The following FAM111A variants were observed in gnomAD, a reference collection of about 807,000 sequenced individuals.
The protein encoded by FAM111A is serine protease FAM111A.
Under a neutral mutation model 3.3 loss-of-function variants are expected in FAM111A, and 8 were observed. The observed-to-expected ratio is 2.39, with a 90% CI of 1.40 to 4.32. The LOEUF is 4.32. Among genes scored for constraint, FAM111A ranks in the 30% most tolerant of loss-of-function variants. The pLI is 0.00. For missense variants in FAM111A, 683 were observed against 727.6 expected, an observed-to-expected ratio of 0.94 and a Z score of 0.71; for synonymous variants, 227 against 243.1, an observed-to-expected ratio of 0.93 and a Z score of 0.62.
intron 5 of FAM111A, 42 bp from the exon 6 acceptor site, chr11:59,151,708 G>C: frequency 2.8e-6 from 4 of 1,410,120 alleles, no homozygotes; most frequent in Admixed American, 2.3e-5. Flanking sequence ...AAAAGACTCG[G>C]GTTGCATTCA....
chr11:59,150,906 GAT>G (rs1226299338), intron 5 of FAM111A, among the ~76,000 whole-genome samples: 1 of 152,206 alleles, frequency 6.6e-6, no homozygotes, highest in Non-Finnish European at 1.5e-5. Context: ...TTCTTTTCAT[GAT>G]ATATGCTGGG....
rs1190840096 is a variant in FAM111A at position 59,143,101 on chromosome 11, A to G, written c.-509A>G. The G allele has an allele frequency of 6.6e-6, 1 of 152,292 alleles. No homozygotes were observed. The highest frequency in any genetic ancestry group is 2.4e-5 in the African/African-American group (1 of 41,448). 9.4% of individuals were successfully genotyped at this position (152,292 alleles called of 1,614,324 possible). On this transcript the variant is annotated 5_prime_UTR_variant, in exon 2 of 6. Transcript: ENST00000675163. ...CCAACAGGTGTCCCCAGCGCAGCCA[A>G]TCGGCTTCCGAAGTAGGTGAGTTGC...
chr11:59,144,870 C>T (rs78402125), intron 3 of FAM111A: 7,155 of 152,428 alleles, frequency 0.047, 452 homozygotes, highest in East Asian at 0.15. Flanking sequence ...GCGCTGGATT[C>T]CAGGCCGAGT....
At chr11:59,148,010 A>G (rs1030861272) in intron 4 of FAM111A, among the ~76,000 whole-genome samples, 1 of 152,236 alleles carries the variant, frequency 6.6e-6, no homozygotes, top group African/African-American at 2.4e-5. Flanking sequence ...TTAGAAATGT[A>G]TCTTTTTCAA....
intron 4 of FAM111A, among the ~76,000 whole-genome samples, chr11:59,147,111 A>C (rs1377944869): frequency 2.0e-5 from 3 of 152,206 alleles, no homozygotes; most frequent in African/African-American, 7.2e-5. Context: ...TGGTGGGAGG[A>C]AAAGCAGGTT....
chr11:59,150,519 ATG>A (rs1861515717), intron 5 of FAM111A, among the ~76,000 whole-genome samples: 1 of 152,158 alleles, frequency 6.6e-6, no homozygotes, highest in South Asian at 2.1e-4. Flanking sequence ...CTTGGGAAAA[ATG>A]TGTTTTTTAG....
chr11:59,148,894 T>C lies in FAM111A; in HGVS notation c.22T>C (p.Ser8Pro), dbSNP rs775891705. The C allele has an allele frequency of 2.5e-6, 4 of 1,613,796 alleles. No homozygotes were observed. The highest frequency in any genetic ancestry group is 3.4e-6 in the Non-Finnish European group (4 of 1,179,750). MSCKKQR[S>P]RKHSVNEKCN... ...CATCATGAGCTGTAAGAAGCAGAGG[T>C]CACGGAAGCACTCAGTCAATGAAAA... Residue 8 changes from serine to proline, a missense_variant, in exon 5 of 6, where the codon TCA (serine) becomes CCA (proline). Coordinates refer to ENST00000675163, the MANE Select transcript of FAM111A (RefSeq NM_001312909.2).
chr11:59,152,607 C>G lies in FAM111A; in HGVS notation c.939C>G (p.Asn313Lys), dbSNP rs768956385. 6.2e-7 allele frequency: 1 copy of G among 1,613,600 alleles called. No individual in the cohort carries two copies. Among genetic ancestry groups the G allele is most frequent in the Admixed American group, 1.7e-5 (1 of 59,912 alleles). Residue 313 changes from asparagine (N) to lysine (K), a missense_variant, in exon 6 of 6, where the codon AAC (asparagine) becomes AAG (lysine). Around this residue, in one of 3 missense-constraint regions of FAM111A, gnomAD observed 557 missense variants for 600.2 expected, o/e 0.93. Coordinates refer to ENST00000675163, the MANE Select transcript of FAM111A (RefSeq NM_001312909.2). ...LKRESEKIIE[N>K]FKKKMKVKNG... ...GAGAAAGTGAAAAAATCATTGAAAA[C>G]TTCAAGAAAAAAATGAAAGTAAAAA...
chr11:59,153,376 A>T lies in FAM111A; in HGVS notation c.1708A>T (p.Ser570Cys), dbSNP rs201874283. The T allele has an allele frequency of 8.0e-5, 129 of 1,614,076 alleles. No individual in the cohort carries two copies. The highest frequency in any genetic ancestry group is 1.0e-4 in the Non-Finnish European group (118 of 1,180,032). Residue 570 changes from serine to cysteine, a missense_variant, in exon 6 of 6, where the codon AGT becomes TGT. Around this residue, in one of 3 missense-constraint regions of FAM111A, gnomAD observed 122 missense variants for 110.9 expected, o/e 1.10. Coordinates refer to ENST00000675163, the MANE Select transcript of FAM111A (RefSeq NM_001312909.2). Reference sequence around the variant, plus strand: ...TTATACTTACCAAAATGAGACTCGTAGTATCATTGAGTTTGGCTCTACCAT... The same window carrying T: ...TTATACTTACCAAAATGAGACTCGTTGTATCATTGAGTTTGGCTCTACCAT... ...FAYTYQNETR[S>C]IIEFGSTMES...
chr11:59,152,192 A>G lies in FAM111A; in HGVS notation c.524A>G (p.Asp175Gly). ...GATAACCACATATTTGGCAGGCAGG[A>G]CAAAGCATCGACTGAATGTGTCAAA... ...KEDNHIFGRQ[D>G]KASTECVKFY... The change falls in exon 6 of 6, where the codon GAC (aspartate) becomes GGC (glycine). Residue 175 changes from aspartate to glycine, a missense_variant. This residue lies in a region of FAM111A where 557 missense variants were observed against 600.2 expected (regional missense o/e 0.93). Coordinates refer to ENST00000675163, the MANE Select transcript of FAM111A (RefSeq NM_001312909.2). 6.2e-7 allele frequency: 1 copy of G among 1,614,204 alleles called. No homozygotes were observed. The highest frequency in any genetic ancestry group is 8.5e-7 in the Non-Finnish European group (1 of 1,180,038).
Position 59,153,313 on chromosome 11 carries a change from A to G in FAM111A, c.1645A>G (p.Lys549Glu), listed in dbSNP as rs756127559. 6.2e-7 allele frequency: 1 copy of G among 1,614,196 alleles called. No individual in the cohort carries two copies. The highest frequency in any genetic ancestry group is 8.5e-7 in the Non-Finnish European group (1 of 1,180,036). ...GASGSPVFDS[K>E]GSLVAMHAAG... ...TTCCGGCTCCCCTGTGTTTGATTCAAAAGGTTCATTGGTGGCCATGCATGC... is the reference window on the plus strand; with the variant it reads ...TTCCGGCTCCCCTGTGTTTGATTCAGAAGGTTCATTGGTGGCCATGCATGC... The change falls in exon 6 of 6, where the codon AAA becomes GAA. Residue 549 changes from lysine (K) to glutamate (E), a missense_variant. Lys to Glu is a moderately conservative substitution (Grantham distance 56). This residue lies in a region of FAM111A where 122 missense variants were observed against 110.9 expected (regional missense o/e 1.10). Transcript: ENST00000675163.
chr11:59,152,436 T>G lies in FAM111A; in HGVS notation c.768T>G (p.Val256=), dbSNP rs1861807775. ...CCATTTTAGAAAGCACCCAGCCAGT[T>G]GATGAATTAGAAGGCAGATACTTTC... ...NDTILESTQP[V]DELEGRYFQV... Residue 256 remains valine (V), a synonymous_variant, in exon 6 of 6, where the codon GTT becomes GTG. Coordinates refer to ENST00000675163, the MANE Select transcript of FAM111A (RefSeq NM_001312909.2). 7 of 1,612,038 alleles carry G rather than the reference T, an allele frequency of 4.3e-6. No homozygotes were observed. Among genetic ancestry groups the G allele is most frequent in the Non-Finnish European group, 5.9e-6 (7 of 1,178,184 alleles).
At chr11:59,147,885 C>T (rs1323408667) in intron 4 of FAM111A, among the ~76,000 whole-genome samples, 2 of 152,116 alleles carry the variant, frequency 1.3e-5, no homozygotes, top group Non-Finnish European at 2.9e-5. Flanking sequence ...TAAAATGAGA[C>T]AAATAGTACC....
chr11:59,150,655 CAT>C (rs1254160007), intron 5 of FAM111A, among the ~76,000 whole-genome samples: 2 of 152,112 alleles, frequency 1.3e-5, no homozygotes, highest in African/African-American at 4.8e-5. Flanking sequence ...AAATGGCAAT[CAT>C]AAATATAAAG....
Position 59,145,808 on chromosome 11 carries a change from T to C in FAM111A, c.-106-19T>C, listed in dbSNP as rs796505322. ...ATAGCCCAGTTCCGCAATTGTACAT[T>C]TTCTATTTTTTTTCCTAGGTTCTCT... On this transcript the variant is annotated intron_variant, in intron 3 of 5. Transcript: ENST00000675163. The C allele has an allele frequency of 9.9e-5, 15 of 152,226 alleles. No individual in the cohort carries two copies. Among genetic ancestry groups the C allele is most frequent in the African/African-American group, 3.6e-4 (15 of 41,546 alleles). 9.4% of individuals were successfully genotyped at this position (152,226 alleles called of 1,614,324 possible).
Position 59,151,778 on chromosome 11 carries a change from G to A in FAM111A, c.110G>A (p.Ser37Asn), listed in dbSNP as rs1861689442. 5 of 1,596,838 alleles carry A rather than the reference G, an allele frequency of 3.1e-6. No homozygotes were observed. The highest frequency in any genetic ancestry group is 4.3e-6 in the Non-Finnish European group (5 of 1,175,434). Residue 37 changes from serine to asparagine, a missense_variant, in exon 6 of 6, where the codon AGT (serine) becomes AAT (asparagine). Physicochemically the swap from Ser to Asn is conservative, Grantham distance 46. Coordinates refer to ENST00000675163, the MANE Select transcript of FAM111A (RefSeq NM_001312909.2). ...PVSKEQQNNC[S>N]TSLMRMESRG... is the part of the protein sequence containing the mutation. Reference sequence around the variant, plus strand: ...TCTAAAGAGCAACAGAATAATTGCAGTACTTCTCTAATGAGGATGGAGTCT... The same window carrying A: ...TCTAAAGAGCAACAGAATAATTGCAATACTTCTCTAATGAGGATGGAGTCT...
At chr11:59,146,865 G>C (rs1179432672) in intron 4 of FAM111A, among the ~76,000 whole-genome samples, 1 of 152,150 alleles carries the variant, frequency 6.6e-6, no homozygotes, top group African/African-American at 2.4e-5. Flanking sequence ...AGCCTTATAA[G>C]ACATATAAAG....
At position 59,143,282 on chromosome 11, in the gene FAM111A, G is replaced by A. The variant is rs991557535; in HGVS notation, c.-328G>A. The A allele has an allele frequency of 6.6e-6, 1 of 152,274 alleles. No homozygotes were observed. Among genetic ancestry groups the A allele is most frequent in the African/African-American group, 2.4e-5 (1 of 41,450 alleles). 9.4% of individuals were successfully genotyped at this position (152,274 alleles called of 1,614,324 possible). A position where few individuals can be genotyped will look rare whatever the true frequency, so the allele number is the denominator to read the frequency against. ...CACGAGTTCAGGCGTCTGAGACTTG[G>A]TGGGAACGGACCTTCCTCTTAGGTG... On this transcript the variant is annotated 5_prime_UTR_variant, in exon 2 of 6. The change creates a new upstream start codon in the 5' untranslated region. Transcript: ENST00000675163.
rs377343563 is a variant in FAM111A, at chr11:59,152,568, C to T, written c.900C>T (p.Tyr300=). 2.4e-5 allele frequency: 39 copies of T among 1,613,724 alleles called. No homozygotes were observed. The highest frequency in any genetic ancestry group is 3.1e-5 in the Non-Finnish European group (37 of 1,179,968). ...CVLREQIVAQ[Y]PSLKRESEKI... ...TGAGAGAACAAATCGTGGCTCAGTACCCCAGTTTGAAAAGAGAAAGTGAAA... is the reference window on the plus strand; with the variant it reads ...TGAGAGAACAAATCGTGGCTCAGTATCCCAGTTTGAAAAGAGAAAGTGAAA... Residue 300 remains tyrosine (Y), a synonymous_variant, in exon 6 of 6, where the codon TAC becomes TAT. Coordinates refer to ENST00000675163, the MANE Select transcript of FAM111A (RefSeq NM_001312909.2).
Sources: gnomAD v4.1 joint callset for allele counts (sites outside exome capture counted in the v4.1 genomes callset) on GRCh38, gnomAD v4.1.1 for gene constraint, gnomAD v4.1.1 regional missense constraint, MANE v1.5 for transcripts, NCBI Gene and HGNC (gene_info 2026-07-23, HGNC 2026-07-21) for gene names.